The following POLRMT variants were observed in gnomAD, a reference collection of about 807,000 sequenced individuals.
The protein encoded by POLRMT is RNA polymerase mitochondrial.
A neutral mutation model predicts 132.2 loss-of-function variants in POLRMT; 114 were observed. The observed-to-expected ratio is 0.86, with a 90% CI of 0.74 to 1.01. POLRMT has a LOEUF of 1.01. Among genes scored for constraint, POLRMT ranks in the 50% least tolerant of loss-of-function variants. POLRMT has a pLI of 0.00. For synonymous variants in POLRMT, 1,020 were observed against 773.4 expected (o/e 1.32, Z -5.29); for missense variants, 2,003 against 1,729.1 (o/e 1.16, Z -2.81).
Position 619,623 on chromosome 19 carries a change from A to C in POLRMT, c.3029T>G (p.Ile1010Ser). The C allele has an allele frequency of 6.2e-7, 1 of 1,610,848 alleles. No individual in the cohort carries two copies. Among genetic ancestry groups the C allele is most frequent in the Non-Finnish European group, 8.5e-7 (1 of 1,179,656 alleles). ...GCTCAGCTCCCGGAGGCGCTTCTCAATCTGCAGGCGCCCGCCATAGCGCGT... is the reference window on the plus strand; with the variant it reads ...GCTCAGCTCCCGGAGGCGCTTCTCACTCTGCAGGCGCCCGCCATAGCGCGT... ...GVTRYGGRLQ[I>S]EKRLRELSDF... Residue 1010 changes from isoleucine (I) to serine (S), a missense_variant, in exon 13 of 21, where the codon ATT (isoleucine) becomes AGT (serine). Coordinates refer to ENST00000588649, the MANE Select transcript of POLRMT (RefSeq NM_005035.4).
At chr19:617,533 G>A (rs1175485055) in intron 19 of POLRMT, 37 bp downstream of exon 19, 2 of 1,608,762 alleles carry the variant, frequency 1.2e-6, no homozygotes, top group South Asian at 1.1e-5. Context: ...TGGGGTGGGG[G>A]GGGAATCCAG....
At chr19:623,027 G>C in intron 6 of POLRMT, 42 bp from the exon 7 acceptor site, 1 of 1,600,260 alleles carries the variant, frequency 6.2e-7, no homozygotes, top group Non-Finnish European at 8.5e-7. Context: ...GTGGCAGCTG[G>C]TGGGACCCAG....
At chr19:617,370 C>T (rs1984052234) in intron 20 of POLRMT, 47 bp from the exon 21 acceptor site, 4 of 1,612,454 alleles carry the variant, frequency 2.5e-6, no homozygotes, top group Non-Finnish European at 3.4e-6. Flanking sequence ...GAAAGCCCCG[C>T]CCTGGCCCGC....
At chr19:618,074 G>A (rs920782044) in intron 17 of POLRMT, 40 of 561,434 alleles carry the variant, frequency 7.1e-5, no homozygotes, top group South Asian at 6.2e-5. Context: ...CACCCCTGCC[G>A]CCCCCCACGC....
chr19:625,558 G>C (rs1243217078), intron 3 of POLRMT: 4 of 321,928 alleles, frequency 1.2e-5, no homozygotes, highest in Admixed American at 9.4e-5. Context: ...GACTTGGCTT[G>C]ACTGTTCTCT....
chr19:631,834 C>T (rs1055512918), intron 2 of POLRMT, among the ~76,000 whole-genome samples: 2 of 151,998 alleles, frequency 1.3e-5, no homozygotes, highest in East Asian at 1.9e-4. Flanking sequence ...CTCCACCTTC[C>T]GGGTTCAAGC....
rs761156295 is a variant in POLRMT, at chr19:620,008, G to A, written c.2836C>T (p.Leu946=). Residue 946 remains leucine, a synonymous_variant, in exon 12 of 21, where the codon CTG becomes TTG. Coordinates refer to ENST00000588649, the MANE Select transcript of POLRMT (RefSeq NM_005035.4). ...RDSVGAASVN[L]EPSDVPQDVY... Reference sequence around the variant, plus strand: ...TCCTGCGGCACATCCGAGGGCTCCAGGTTGACGGAGGCGGCGCCCACGCTG... The same window carrying A: ...TCCTGCGGCACATCCGAGGGCTCCAAGTTGACGGAGGCGGCGCCCACGCTG... 4 of 1,586,546 alleles carry A rather than the reference G, an allele frequency of 2.5e-6. No homozygotes were observed. Among genetic ancestry groups the A allele is most frequent in the South Asian group, 2.3e-5 (2 of 88,700 alleles).
intron 5 of POLRMT, among the ~76,000 whole-genome samples, 197 bp downstream of exon 5, chr19:624,520 CCT>C (rs982232448): frequency 9.9e-5 from 15 of 152,188 alleles, no homozygotes; most frequent in East Asian, 1.9e-4. Flanking sequence ...ACCTCGTCCC[CCT>C]GAGCCCACAC....
intron 3 of POLRMT, among the ~76,000 whole-genome samples, chr19:627,926 A>AAAAC (rs1985139737): frequency 3.0e-5 from 2 of 67,086 alleles, no homozygotes; most frequent in Non-Finnish European, 7.2e-5. Flanking sequence ...GTCTATCTCA[A>AAAAC]AAAAAAAAAA....
At chr19:620,174 C>T (rs555412285) in intron 11 of POLRMT, 94 bp from the exon 12 acceptor site, 1 of 1,498,048 alleles carries the variant, frequency 6.7e-7, no homozygotes, top group Non-Finnish European at 8.9e-7. Flanking sequence ...TTCCTAGGGC[C>T]GTGCACCCCC....
At position 623,354 on chromosome 19, in the gene POLRMT, C is replaced by G. The variant is rs1471797443; in HGVS notation, c.1290+100G>C. On this transcript the variant is annotated intron_variant, in intron 6 of 20. Transcript: ENST00000588649. ...CGGCGGACACGCGACCCCGGCTCAG[C>G]CCCTGCGGCGGACACGGGACCCCGG... 1.0e-5 allele frequency: 16 copies of G among 1,528,076 alleles called. No homozygotes were observed. In the East Asian group the frequency reaches 3.2e-4, roughly 31 times the overall value. The allele number at this position is 1,528,076 out of a possible 1,614,324, so 94.7% of individuals were successfully genotyped here.
rs1291405263 is a variant in POLRMT at position 617,302 on chromosome 19, A to C, written c.3665T>G (p.Val1222Gly). The C allele has an allele frequency of 6.8e-6, 11 of 1,612,734 alleles. No homozygotes were observed. The highest frequency in any genetic ancestry group is 1.1e-5 in the South Asian group (1 of 91,078). ...GCTGAAGAAGTAGGTGGAACGCTTC[A>C]CCTGCTCCAGGTCGAAGGCCCCTGC... ...PKPGAFDLEQ[V>G]KRSTYFFS Residue 1222 changes from valine to glycine, a missense_variant, in exon 21 of 21, where the codon GTG (valine) becomes GGG (glycine). Transcript: ENST00000588649.
chr19:621,499 G>C lies in POLRMT; in HGVS notation c.2199C>G (p.Ala733=). Residue 733 remains alanine (A), a synonymous_variant, in exon 10 of 21, where the codon GCC becomes GCG. Transcript: ENST00000588649. ...GCGGCTGGGGCGCCTCGGAGGGCGG[G>C]GCCGGCACGCCTAGCTGGGGGCAGC... is the stretch of plus-strand genomic sequence containing the variant. ...AKGCPQLGVP[A]PPSEAPQPPE... The C allele has an allele frequency of 7.3e-7, 1 of 1,375,426 alleles. No individual in the cohort carries two copies. The allele number at this position is 1,375,426 out of a possible 1,614,324, so 85.2% of individuals were successfully genotyped here.
intron 1 of POLRMT, 22 bp from the exon 2 acceptor site, chr19:632,960 C>T: frequency 2.0e-6 from 3 of 1,472,184 alleles, no homozygotes; most frequent in Admixed American, 2.4e-5. Flanking sequence ...ACGAGAGCGG[C>T]TGAGCGGGGC....
rs747001301 is a variant in POLRMT, at chr19:617,242, T to TTTA, written c.*29_*31dup. On this transcript the variant is annotated 3_prime_UTR_variant, in exon 21 of 21. Transcript: ENST00000588649. ...TGGCTCCTGGGGGTGGCAAAAGAGC[T>TTTA]TTATTTACACACTGACAAGGCTCAC... 1.2e-6 allele frequency: 2 copies of TTTA among 1,611,348 alleles called. No homozygotes were observed. Among genetic ancestry groups the TTTA allele is most frequent in the Non-Finnish European group, 1.7e-6 (2 of 1,179,162 alleles).
Position 619,575 on chromosome 19 carries a change from G to A in POLRMT, c.3066+11C>T. On this transcript the variant is annotated intron_variant, in intron 13 of 20. Coordinates refer to ENST00000588649, the MANE Select transcript of POLRMT (RefSeq NM_005035.4). ...AACCAACGTGTTCGCAGCGCGACATGCCTGGCGCACCTGGGGAAAGTCGCT... is the reference window on the plus strand; with the variant it reads ...AACCAACGTGTTCGCAGCGCGACATACCTGGCGCACCTGGGGAAAGTCGCT... The A allele has an allele frequency of 6.2e-7, 1 of 1,611,338 alleles. No individual in the cohort carries two copies. The highest frequency in any genetic ancestry group is 8.5e-7 in the Non-Finnish European group (1 of 1,179,554).
chr19:633,020 G>A (rs1378308098), intron 1 of POLRMT, 82 bp from the exon 2 acceptor site: 10 of 966,204 alleles, frequency 1.0e-5, no homozygotes, highest in Middle Eastern at 2.3e-4. Context: ...AAGGGTCGAA[G>A]GGCAAAGGAG....
Position 618,697 on chromosome 19 carries a change from C to G in POLRMT, c.3323+8G>C, listed in dbSNP as rs1200431550. ...CCGGCCAGGCCCCAGCCCGGGCCCCCCACTCACCGGCTGATGTCTCCGTTG... is the reference window on the plus strand; with the variant it reads ...CCGGCCAGGCCCCAGCCCGGGCCCCGCACTCACCGGCTGATGTCTCCGTTG... On this transcript the variant is annotated splice_region_variant and intron_variant, in intron 16 of 20. Coordinates refer to ENST00000588649, the MANE Select transcript of POLRMT (RefSeq NM_005035.4). 6.2e-7 allele frequency: 1 copy of G among 1,606,684 alleles called. No homozygotes were observed. The highest frequency in any genetic ancestry group is 8.5e-7 in the Non-Finnish European group (1 of 1,176,870).
In POLRMT at chr19:618,689, C is replaced by T. The variant is rs751856007; in HGVS notation, c.3323+16G>A. 2.1e-5 allele frequency: 33 copies of T among 1,599,266 alleles called. 1 individual carries two copies. The highest frequency in any genetic ancestry group is 1.8e-4 in the South Asian group (16 of 90,228). Reference sequence around the variant, plus strand: ...CCAGACCCCCGGCCAGGCCCCAGCCCGGGCCCCCCACTCACCGGCTGATGT... The same window carrying T: ...CCAGACCCCCGGCCAGGCCCCAGCCTGGGCCCCCCACTCACCGGCTGATGT... On this transcript the variant is annotated intron_variant, in intron 16 of 20. Coordinates refer to ENST00000588649, the MANE Select transcript of POLRMT (RefSeq NM_005035.4).
Sources: gnomAD v4.1 joint callset for allele counts (sites outside exome capture counted in the v4.1 genomes callset) on GRCh38, gnomAD v4.1.1 for gene constraint, MANE v1.5 for transcripts, NCBI Gene and HGNC (gene_info 2026-07-23, HGNC 2026-07-21) for gene names.